Variants in KMT2E observed in about 807,000 individuals in gnomAD.
KMT2E encodes histone reader KMT2E.
A neutral mutation model predicts 184.6 loss-of-function variants in KMT2E; 30 were observed. The ratio of observed to expected loss-of-function variants is 0.16; its 90% CI spans 0.12 to 0.22. The LOEUF is 0.22. Ranked by LOEUF, KMT2E falls within the 10% of genes least tolerant of loss-of-function variation. KMT2E has a pLI of 1.00. For missense variants in KMT2E, 2,023 were observed against 2,237.4 expected (o/e 0.90, Z 1.93); for synonymous variants, 815 against 776.5 (o/e 1.05, Z -0.82).
At chr7:105,036,939 C>T (rs554855401) in intron 1 of KMT2E, among the ~76,000 whole-genome samples, 22 of 152,094 alleles carry the variant, frequency 1.4e-4, no homozygotes, top group African/African-American at 1.2e-4. Flanking sequence ...CCCAAGCATT[C>T]GTAGGTAGTA....
At chr7:105,030,511 G>A (rs1313328121) in intron 1 of KMT2E, among the ~76,000 whole-genome samples, 3 of 152,200 alleles carry the variant, frequency 2.0e-5, no homozygotes, top group Non-Finnish European at 4.4e-5. Context: ...GTCAACATTA[G>A]GAACTTGACT....
At chr7:105,067,083 AAG>A (rs1797060525) in intron 6 of KMT2E, among the ~76,000 whole-genome samples, 1 of 149,234 alleles carries the variant, frequency 6.7e-6, no homozygotes, top group Non-Finnish European at 1.5e-5. Flanking sequence ...AAAAAAAAAA[AAG>A]AAAAAGAAAA....
intron 6 of KMT2E, among the ~76,000 whole-genome samples, chr7:105,068,644 T>TG (rs1265215378): frequency 1.1e-4 from 16 of 147,096 alleles, no homozygotes; most frequent in Middle Eastern, 3.4e-3. Flanking sequence ...TTTTTGTTTT[T>TG]TTTTTTTTTT....
In KMT2E at chr7:105,110,780, C is replaced by G. The variant is rs1255929037; in HGVS notation, c.3980C>G (p.Pro1327Arg). 5 of 1,613,720 alleles carry G rather than the reference C, an allele frequency of 3.1e-6. No homozygotes were observed. In the South Asian group the frequency reaches 5.5e-5, roughly 18 times the overall value. ...SFSELMEDPDPENPEPTTTNE... is the reference protein window; with the variant it reads ...SFSELMEDPDRENPEPTTTNE... ...TTCTTCTGCTTTATAGACCCTGATC[C>G]TGAAAATCCAGAACCCACAACTACG... The change falls in exon 26 of 27, where the codon CCT (proline) becomes CGT (arginine). Residue 1327 changes from proline (P) to arginine (R), a missense_variant. Pro to Arg is a moderately radical substitution (Grantham distance 103, BLOSUM62 -2). Coordinates refer to ENST00000311117, the MANE Select transcript of KMT2E (RefSeq NM_182931.3).
At chr7:105,052,730 T>G (rs971607320) in intron 3 of KMT2E, among the ~76,000 whole-genome samples, 2 of 151,456 alleles carry the variant, frequency 1.3e-5, no homozygotes, top group African/African-American at 4.8e-5. Context: ...AGCTAATTTT[T>G]TTTTTTATTT....
At chr7:105,068,536 C>T (rs1432144051) in intron 6 of KMT2E, among the ~76,000 whole-genome samples, 1 of 151,618 alleles carries the variant, frequency 6.6e-6, no homozygotes, top group Non-Finnish European at 1.5e-5. Context: ...CCTCAGCCTC[C>T]TGGGTTCAGG....
At chr7:105,050,293 T>C (rs979621414) in intron 3 of KMT2E, among the ~76,000 whole-genome samples, 1 of 152,164 alleles carries the variant, frequency 6.6e-6, no homozygotes, top group Non-Finnish European at 1.5e-5. Flanking sequence ...ACTAGGAAGG[T>C]TCAACTTTGG....
intron 3 of KMT2E, among the ~76,000 whole-genome samples, chr7:105,042,338 G>A (rs893235412): frequency 1.3e-5 from 2 of 150,426 alleles, no homozygotes; most frequent in Non-Finnish European, 2.9e-5. Flanking sequence ...CATTTGTTTC[G>A]TACTTAATCA....
At chr7:105,092,005 C>T (rs1300095119) in intron 15 of KMT2E, among the ~76,000 whole-genome samples, 4 of 152,200 alleles carry the variant, frequency 2.6e-5, no homozygotes, top group Admixed American at 6.5e-5. Context: ...TGACTGATGG[C>T]CTTATGATAG....
At chr7:105,019,928 G>C (rs1191319418) in intron 1 of KMT2E, among the ~76,000 whole-genome samples, 1 of 151,934 alleles carries the variant, frequency 6.6e-6, no homozygotes, top group Non-Finnish European at 1.5e-5. Context: ...CCAACATGGT[G>C]AAACCCCATT....
chr7:105,029,381 T>C (rs556790612), intron 1 of KMT2E, among the ~76,000 whole-genome samples: 1 of 152,322 alleles, frequency 6.6e-6, no homozygotes, highest in East Asian at 1.9e-4. Context: ...GTTCAATAAA[T>C]ATGTTAAATG....
At position 105,106,014 on chromosome 7, in the gene KMT2E, T is replaced by G; in HGVS notation, c.2596+11T>G. On this transcript the variant is annotated intron_variant, in intron 19 of 26. Coordinates refer to ENST00000311117, the MANE Select transcript of KMT2E (RefSeq NM_182931.3). ...GCTGTTCCCTTCCAGGTAGAATTTT[T>G]TTTTCAGAGTTTTGGTTTGAGAAAT... 6.3e-7 allele frequency: 1 copy of G among 1,596,500 alleles called. No homozygotes were observed. The highest frequency in any genetic ancestry group is 1.1e-5 in the South Asian group (1 of 87,606).
At chr7:105,059,008 AT>A (rs967677691) in intron 3 of KMT2E, among the ~76,000 whole-genome samples, 7 of 152,228 alleles carry the variant, frequency 4.6e-5, no homozygotes, top group African/African-American at 1.7e-4. Flanking sequence ...AGAGTAAGAT[AT>A]CAAAATTATG....
rs1799450875 is a variant in KMT2E, at chr7:105,113,795, T to G, written c.*462T>G. On this transcript the variant is annotated 3_prime_UTR_variant, in exon 27 of 27. Coordinates refer to ENST00000311117, the MANE Select transcript of KMT2E (RefSeq NM_182931.3). ...TTTGGTGTGGACATGGCTCATTTTG[T>G]TTTACCAGTTATTTGCAAGCAAAAT... 1.3e-5 allele frequency: 2 copies of G among 156,386 alleles called. No individual in the cohort carries two copies. The highest frequency in any genetic ancestry group is 2.9e-5 in the Non-Finnish European group (2 of 69,340). 9.7% of individuals were successfully genotyped at this position (156,386 alleles called of 1,614,324 possible).
At chr7:105,086,272 T>C (rs1041666939) in intron 13 of KMT2E, among the ~76,000 whole-genome samples, 1 of 152,214 alleles carries the variant, frequency 6.6e-6, no homozygotes, top group East Asian at 1.9e-4. Flanking sequence ...GAACATAGTA[T>C]GTACATGTTC....
intron 1 of KMT2E, among the ~76,000 whole-genome samples, chr7:105,033,268 A>G (rs190156292): frequency 6.6e-5 from 10 of 152,356 alleles, no homozygotes; most frequent in East Asian, 1.9e-4. Context: ...ATTGCTACCA[A>G]TGCTTAAAAA....
chr7:105,091,619 G>C (rs1798207398), intron 15 of KMT2E: 2 of 464,072 alleles, frequency 4.3e-6, no homozygotes, highest in Non-Finnish European at 7.6e-6. Context: ...TTACTGTTCA[G>C]AATGTCTTTT....
rs1202399533 is a variant in KMT2E, at chr7:105,113,992, T to TTTAA, written c.*662_*665dup. ...TGTGAAAGTAGTACAGTATATGACCTTTAATTTCTTTTTTATTTTAAATAT... is the reference window on the plus strand; with the variant it reads ...TGTGAAAGTAGTACAGTATATGACCTTTAATTAATTTCTTTTTTATTTTAAATAT... On this transcript the variant is annotated 3_prime_UTR_variant, in exon 27 of 27. Coordinates refer to ENST00000311117, the MANE Select transcript of KMT2E (RefSeq NM_182931.3). 7 of 152,794 alleles carry TTTAA rather than the reference T, an allele frequency of 4.6e-5. No homozygotes were observed. The highest frequency in any genetic ancestry group is 1.7e-4 in the African/African-American group (7 of 41,468). The allele number at this position is 152,794 out of a possible 1,614,324, so 9.5% of individuals were successfully genotyped here.
At chr7:105,089,513 T>C (rs1283609464) in intron 13 of KMT2E, among the ~76,000 whole-genome samples, 2 of 152,220 alleles carry the variant, frequency 1.3e-5, no homozygotes, top group Non-Finnish European at 2.9e-5. Flanking sequence ...ACTGACATGA[T>C]GCCACAAGTA....
Sources: allele counts gnomAD v4.1 joint callset (sites outside exome capture counted in the v4.1 genomes callset), GRCh38; gene constraint gnomAD v4.1.1; transcripts MANE v1.5; gene names NCBI Gene and HGNC (gene_info 2026-07-23, HGNC 2026-07-21).